LASP1: variants seen among roughly 807,000 people sequenced by gnomAD.
LASP1 encodes the protein LIM and SH3 protein 1, also known as LIM and SH3 domain protein 1.
A neutral mutation model predicts 38.6 loss-of-function variants in LASP1; 10 were observed. The ratio of observed to expected loss-of-function variants is 0.26; its 90% confidence interval spans 0.16 to 0.44. The LOEUF (loss-of-function observed/expected upper bound fraction) is 0.44, where lower values mean the gene tolerates loss of function less well. Ranked by LOEUF, LASP1 falls within the 20% of genes least tolerant of loss-of-function variation. LASP1 has a pLI of 1.00. For synonymous variants in LASP1, 132 were observed against 140.8 expected (o/e 0.94, Z 0.44); for missense variants, 243 against 375.7 (o/e 0.65, Z 2.92).
intron 4 of LASP1, chr17:38,898,917 A>T: frequency 2.7e-6 from 1 of 368,590 alleles, no homozygotes; most frequent in Non-Finnish European, 5.4e-6. Context: ...CTGACATTGC[A>T]GTCATTTCCG....
chr17:38,878,896 C>G (rs927190817), intron 2 of LASP1, among the ~76,000 whole-genome samples: 7 of 152,160 alleles, frequency 4.6e-5, no homozygotes, highest in South Asian at 2.1e-4. Context: ...GGACCTGCAG[C>G]AGCTGACGGT....
chr17:38,902,281 A>G (rs1483056527), intron 4 of LASP1, among the ~76,000 whole-genome samples: 1 of 149,602 alleles, frequency 6.7e-6, no homozygotes, highest in Non-Finnish European at 1.5e-5. Flanking sequence ...GGCTGGTCTC[A>G]AACTCCTGGA....
At chr17:38,889,237 T>C (rs1003932151) in intron 2 of LASP1, among the ~76,000 whole-genome samples, 26 of 152,222 alleles carry the variant, frequency 1.7e-4, no homozygotes, top group African/African-American at 5.5e-4. Flanking sequence ...TTCAAGCGAT[T>C]CTCCTGCCTC....
intron 4 of LASP1, among the ~76,000 whole-genome samples, chr17:38,912,864 G>T (rs1168507013): frequency 6.6e-6 from 1 of 152,174 alleles, no homozygotes; most frequent in Non-Finnish European, 1.5e-5. Context: ...GACACAAATG[G>T]GCCAGTTGAC....
intron 4 of LASP1, among the ~76,000 whole-genome samples, chr17:38,903,163 T>G (rs1203798945): frequency 1.3e-5 from 2 of 152,188 alleles, no homozygotes; most frequent in Non-Finnish European, 2.9e-5. Flanking sequence ...GTGCAGTCTG[T>G]CTTCAGTCTT....
At chr17:38,902,613 A>G (rs1056350655) in intron 4 of LASP1, among the ~76,000 whole-genome samples, 1 of 152,182 alleles carries the variant, frequency 6.6e-6, no homozygotes, top group Non-Finnish European at 1.5e-5. Flanking sequence ...TATCCAAAAT[A>G]GCATTCCTGT....
At chr17:38,873,186 C>G (rs1352094668) in intron 1 of LASP1, among the ~76,000 whole-genome samples, 1 of 152,106 alleles carries the variant, frequency 6.6e-6, no homozygotes, top group Non-Finnish European at 1.5e-5. Flanking sequence ...CCTGGAATCC[C>G]CTGTTAGGGT....
intron 4 of LASP1, among the ~76,000 whole-genome samples, chr17:38,905,109 TTTG>T (rs1276814181): frequency 1.3e-5 from 2 of 152,186 alleles, no homozygotes; most frequent in Non-Finnish European, 2.9e-5. Context: ...TATTCCATTG[TTTG>T]TTTATACCAC....
intron 3 of LASP1, among the ~76,000 whole-genome samples, chr17:38,896,561 G>A (rs998320532): frequency 3.9e-5 from 6 of 152,228 alleles, no homozygotes; most frequent in Admixed American, 1.3e-4. Flanking sequence ...CTGGATTAGG[G>A]GCCTGACCCT....
intron 2 of LASP1, among the ~76,000 whole-genome samples, chr17:38,884,537 G>A (rs1162546038): frequency 8.6e-5 from 13 of 151,788 alleles, no homozygotes; most frequent in Admixed American, 7.9e-4. Context: ...ACAGGAGGCC[G>A]CTACCATGCC....
intron 1 of LASP1, among the ~76,000 whole-genome samples, chr17:38,873,388 G>A (rs183851747): frequency 2.6e-4 from 40 of 152,260 alleles, no homozygotes; most frequent in African/African-American, 9.4e-4. Flanking sequence ...TCACAAAGTA[G>A]GTGTATTCGC....
rs185815654 is a variant in LASP1, at chr17:38,921,537, C to T, written c.*2759C>T. On this transcript the variant is annotated 3_prime_UTR_variant, in exon 7 of 7. Transcript: ENST00000318008. ...AGAAATGACCACGTGAAATTTGCCT[C>T]TGTCCAAACATTTCATCCGTGTGTA... 1.3e-4 allele frequency: 31 copies of T among 233,094 alleles called. No individual in the cohort carries two copies. In the East Asian group the frequency reaches 1.9e-3, roughly 14 times the overall value. 14.4% of individuals were successfully genotyped at this position (233,094 alleles called of 1,614,324 possible).
intron 2 of LASP1, among the ~76,000 whole-genome samples, chr17:38,884,149 T>A (rs1261390193): frequency 6.6e-6 from 1 of 152,016 alleles, no homozygotes; most frequent in African/African-American, 2.4e-5. Flanking sequence ...CGAGGCTCTG[T>A]GTAGAAAGGG....
intron 1 of LASP1, 26 bp downstream of exon 1, chr17:38,870,284 C>T: frequency 1.9e-6 from 3 of 1,611,520 alleles, no homozygotes; most frequent in Non-Finnish European, 2.5e-6. Flanking sequence ...GGAGACGCGT[C>T]TTTGCAATCC....
intron 3 of LASP1, among the ~76,000 whole-genome samples, chr17:38,891,788 G>A (rs1038739655): frequency 6.6e-6 from 1 of 152,236 alleles, no homozygotes; most frequent in Non-Finnish European, 1.5e-5. Flanking sequence ...AGTTCCTTAT[G>A]CTGTTGAGAA....
Position 38,882,096 on chromosome 17 carries a change from G to A in LASP1, c.164+3916G>A, listed in dbSNP as rs376016711. On this transcript the variant is annotated intron_variant, in intron 2 of 6. Transcript: ENST00000318008. ...CAGACACCCACGCCGGTGCTGGGGC[G>A]GGGGAGGAGGACTTGGGAGCTGGAC... Among the ~76,000 whole-genome samples the A allele has an allele frequency of 2.8e-4, 42 of 152,184 alleles. 1 individual carries two copies. The highest frequency in any genetic ancestry group is 1.2e-4 in the Non-Finnish European group (8 of 68,030).
chr17:38,894,366 G>A (rs1419175200), intron 3 of LASP1, among the ~76,000 whole-genome samples: 1 of 152,216 alleles, frequency 6.6e-6, no homozygotes, highest in East Asian at 1.9e-4. Flanking sequence ...GATCTTGTAA[G>A]CAGCACGGGT....
intron 1 of LASP1, 114 bp from the exon 2 acceptor site, chr17:38,877,972 A>G: frequency 5.4e-6 from 4 of 734,314 alleles, no homozygotes; most frequent in Non-Finnish European, 7.1e-6. Flanking sequence ...TGTTCTCCCC[A>G]CAGCCATGGG....
intron 1 of LASP1, among the ~76,000 whole-genome samples, chr17:38,876,946 G>A (rs1254923811): frequency 1.3e-5 from 2 of 151,568 alleles, no homozygotes; most frequent in Non-Finnish European, 2.9e-5. Flanking sequence ...CTCATGATCC[G>A]CCCGCCTCGG....
Sources: gnomAD v4.1 joint callset for allele counts (sites outside exome capture counted in the v4.1 genomes callset) on GRCh38, gnomAD v4.1.1 for gene constraint, MANE v1.5 for transcripts, NCBI Gene and HGNC (gene_info 2026-07-23, HGNC 2026-07-21) for gene names.